DOCK4: variants seen among roughly 807,000 people sequenced by gnomAD.
DOCK4 encodes the protein dedicator of cytokinesis 4, also known as dedicator of cytokinesis protein 4.
DOCK4 carries 97 observed loss-of-function variants against 268.1 expected under a neutral mutation model. The observed-to-expected ratio is 0.36, with a 90% CI of 0.31 to 0.43. DOCK4 has a LOEUF of 0.43. DOCK4 is among the 20% of genes least tolerant of loss of function. The pLI is 1.00. For missense variants in DOCK4, 2,145 were observed against 2,455.7 expected, an observed-to-expected ratio of 0.87 and a Z score of 2.67; for synonymous variants, 954 against 887.2, an observed-to-expected ratio of 1.08 and a Z score of -1.34.
At chr7:111,918,506 T>G (rs1294958233) in intron 12 of DOCK4, among the ~76,000 whole-genome samples, 1 of 152,144 alleles carries the variant, frequency 6.6e-6, no homozygotes, top group East Asian at 1.9e-4. Context: ...TTTGGACACT[T>G]TATGTGATAC....
At chr7:111,909,000 A>G (rs1206118643) in intron 13 of DOCK4, among the ~76,000 whole-genome samples, 1 of 152,152 alleles carries the variant, frequency 6.6e-6, no homozygotes, top group East Asian at 1.9e-4. Context: ...AAATGTGTGC[A>G]TATATTTATA....
intron 8 of DOCK4, chr7:111,971,730 G>C (rs1235439637): frequency 3.1e-6 from 1 of 323,876 alleles, no homozygotes; most frequent in East Asian, 1.0e-4. Context: ...TTATGCAGCT[G>C]AGTAGCTGTT....
intron 12 of DOCK4, among the ~76,000 whole-genome samples, chr7:111,926,442 G>A (rs904685669): frequency 8.3e-5 from 11 of 131,974 alleles, no homozygotes; most frequent in East Asian, 6.7e-4. Context: ...GAAAGACAGA[G>A]AGAGAGAGAG....
intron 1 of DOCK4, 117 bp downstream of exon 1, chr7:112,205,985 G>C (rs546092987): frequency 1.7e-6 from 2 of 1,170,204 alleles, no homozygotes; most frequent in African/African-American, 1.5e-5. Flanking sequence ...CCAGCTGCGC[G>C]ATGCCAGGAT....
intron 26 of DOCK4, among the ~76,000 whole-genome samples, chr7:111,832,656 T>C (rs1802929038): frequency 6.6e-6 from 1 of 152,060 alleles, no homozygotes; most frequent in African/African-American, 2.4e-5. Context: ...GCCTCCCAAA[T>C]AGCTGGGACT....
At chr7:112,169,898 T>C (rs1320534022) in intron 1 of DOCK4, among the ~76,000 whole-genome samples, 1 of 152,168 alleles carries the variant, frequency 6.6e-6, no homozygotes, top group South Asian at 2.1e-4. Flanking sequence ...GAAGTTATAG[T>C]CATCTCAACA....
intron 16 of DOCK4, among the ~76,000 whole-genome samples, chr7:111,882,867 C>T (rs1048157552): frequency 1.3e-5 from 2 of 152,198 alleles, no homozygotes; most frequent in African/African-American, 4.8e-5. Flanking sequence ...CCTCAGCCTC[C>T]GAAAGTGCTG....
rs78871371 is a variant in DOCK4, at chr7:111,793,342, A to G, written c.3167-2737T>C. Among the ~76,000 whole-genome samples, 1,440 of 152,306 alleles carry G rather than the reference A, an allele frequency of 9.5e-3. 31 individuals are homozygous for G. The highest frequency in any genetic ancestry group is 0.033 in the African/African-American group (1,356 of 41,560). On this transcript the variant is annotated intron_variant, in intron 30 of 52. Transcript: ENST00000428084. ...TGGTATCTTCTGTCTCTATACATCA[A>G]CTTTCCTCAACAAGGCATTACAGCA...
chr7:111,814,236 C>T (rs1801370992), intron 27 of DOCK4, among the ~76,000 whole-genome samples: 1 of 152,170 alleles, frequency 6.6e-6, no homozygotes. Context: ...ATCCCAAACA[C>T]ACAAAATATA....
chr7:112,145,584 G>A (rs979568365), intron 1 of DOCK4, among the ~76,000 whole-genome samples: 1 of 152,172 alleles, frequency 6.6e-6, no homozygotes, highest in Non-Finnish European at 1.5e-5. Context: ...ACCATTTCTT[G>A]TGTAATAACA....
chr7:112,026,086 G>T (rs953633181), intron 1 of DOCK4, among the ~76,000 whole-genome samples: 1 of 152,194 alleles, frequency 6.6e-6, no homozygotes, highest in African/African-American at 2.4e-5. Flanking sequence ...CACATAGGAG[G>T]AGCTTAATAA....
intron 50 of DOCK4, 31 bp from the exon 51 acceptor site, chr7:111,735,198 C>A (rs372909552): frequency 3.4e-6 from 5 of 1,457,412 alleles, no homozygotes; most frequent in South Asian, 2.6e-5. Context: ...TAAAAACACA[C>A]GGTCCAGCTT....
chr7:111,736,842 A>C, intron 50 of DOCK4, 75 bp downstream of exon 50: 3 of 1,340,546 alleles, frequency 2.2e-6, no homozygotes, highest in South Asian at 2.5e-5. Flanking sequence ...CCACACAGAC[A>C]CACAGAAGAC....
chr7:112,094,387 T>C (rs1161926337), intron 1 of DOCK4, among the ~76,000 whole-genome samples: 2 of 152,190 alleles, frequency 1.3e-5, no homozygotes, highest in East Asian at 1.9e-4. Context: ...CAAATCGACA[T>C]AGTTTTTAGG....
intron 1 of DOCK4, among the ~76,000 whole-genome samples, chr7:112,165,594 T>A (rs375128635): frequency 3.1e-4 from 47 of 151,238 alleles, no homozygotes; most frequent in African/African-American, 1.1e-3. Context: ...TTTGGACACT[T>A]AGGGTCAATC....
Position 112,033,025 on chromosome 7 carries a change from T to C in DOCK4, c.38-28894A>G, listed in dbSNP as rs748112554. The stretch of plus-strand genomic sequence containing the variant: ...AACTTCTGACTTCAATCACTAAATA[T>C]GTCTGTTTATTTTAGCAATAATCTG... On this transcript the variant is annotated intron_variant, in intron 1 of 52. Transcript: ENST00000428084. 1.9e-3 allele frequency among the ~76,000 whole-genome samples: 293 copies of C among 152,318 alleles called. 1 individual carries two copies. Among genetic ancestry groups the C allele is most frequent in the Non-Finnish European group, 4.6e-4 (31 of 68,024 alleles).
intron 12 of DOCK4, among the ~76,000 whole-genome samples, chr7:111,931,149 T>C (rs1794169915): frequency 6.6e-6 from 1 of 152,164 alleles, no homozygotes; most frequent in Non-Finnish European, 1.5e-5. Context: ...CAGACAGGGC[T>C]TTGTAGCAGA....
intron 42 of DOCK4, among the ~76,000 whole-genome samples, chr7:111,747,716 C>A (rs189933298): frequency 1.3e-5 from 2 of 152,052 alleles, no homozygotes; most frequent in Admixed American, 6.6e-5. Flanking sequence ...CCAATTTAAT[C>A]CTTAAAATAA....
At chr7:112,180,876 G>A (rs575877166) in intron 1 of DOCK4, among the ~76,000 whole-genome samples, 1 of 152,154 alleles carries the variant, frequency 6.6e-6, no homozygotes, top group South Asian at 2.1e-4. Flanking sequence ...TTGGTGACAC[G>A]GCAGTCATTT....
Sources: gnomAD v4.1 joint callset for allele counts (sites outside exome capture counted in the v4.1 genomes callset) on GRCh38, gnomAD v4.1.1 for gene constraint, MANE v1.5 for transcripts, NCBI Gene and HGNC (gene_info 2026-07-23, HGNC 2026-07-21) for gene names.